Variants in NPY5R observed in about 807,000 individuals in gnomAD.
The protein encoded by NPY5R is neuropeptide Y receptor Y5.
In NPY5R, 21 loss-of-function variants were observed where a neutral mutation model predicts 24.8. That is an observed-to-expected ratio of 0.85 (90% CI 0.60 to 1.22). NPY5R has a LOEUF of 1.22. Among genes scored for constraint, NPY5R ranks in the 50% most tolerant of loss-of-function variants. NPY5R has a pLI of 0.00. For synonymous variants in NPY5R, 175 were observed against 183.0 expected (o/e 0.96, Z 0.35); for missense variants, 481 against 521.3 (o/e 0.92, Z 0.75).
intron 3 of NPY5R, 103 bp from the exon 4 acceptor site, chr4:163,350,162 C>T (rs1363484395): frequency 1.0e-5 from 7 of 688,282 alleles, no homozygotes; most frequent in African/African-American, 1.8e-5. Context: ...AATAAGGTCA[C>T]GGGAGCTGAT....
chr4:163,348,735 G>C (rs1735358838), intron 3 of NPY5R, among the ~76,000 whole-genome samples: 1 of 151,524 alleles, frequency 6.6e-6, no homozygotes, highest in Admixed American at 6.6e-5. Context: ...GTATGTTATA[G>C]GCAATTTAGT....
intron 1 of NPY5R, chr4:163,345,439 C>G (rs761540178): frequency 2.6e-5 from 4 of 152,002 alleles, no homozygotes; most frequent in Non-Finnish European, 5.9e-5. Context: ...TGTGTTTCAG[C>G]CTGGAAATTC....
chr4:163,347,259 G>T (rs1169502552), intron 2 of NPY5R, among the ~76,000 whole-genome samples, 193 bp from the exon 3 acceptor site: 10 of 152,148 alleles, frequency 6.6e-5, no homozygotes, highest in South Asian at 2.1e-4. Context: ...ACATGGAATG[G>T]AGAAAAATCT....
chr4:163,350,059 G>C (rs1188407820), intron 3 of NPY5R, among the ~76,000 whole-genome samples: 1 of 145,964 alleles, frequency 6.9e-6, no homozygotes, highest in African/African-American at 2.5e-5. Context: ...AGCCGAGATG[G>C]CGCCACTGCA....
chr4:163,347,225 C>T (rs375218794), intron 2 of NPY5R, among the ~76,000 whole-genome samples: 3 of 152,096 alleles, frequency 2.0e-5, no homozygotes, highest in South Asian at 2.1e-4. Context: ...TATCTCCATT[C>T]GAATATAATA....
rs199956261 is a variant in NPY5R, at chr4:163,351,437, T to C, written c.1164T>C (p.His388=). 2.0e-5 allele frequency: 32 copies of C among 1,613,714 alleles called. No individual in the cohort carries two copies. Among genetic ancestry groups the C allele is most frequent in the Non-Finnish European group, 2.5e-5 (29 of 1,179,740 alleles). The change falls in exon 4 of 4, where the codon CAT becomes CAC. Residue 388 remains histidine (H), a synonymous_variant. Coordinates refer to ENST00000338566, the MANE Select transcript of NPY5R (RefSeq NM_006174.4). ...AVSWMPLHLF[H]VVTDFNDNLI... ...GTTGGATGCCACTACACCTTTTCCA[T>C]GTGGTAACTGATTTTAATGACAATC...
Position 163,350,373 on chromosome 4 carries a change from A to G in NPY5R, c.100A>G (p.Lys34Glu), listed in dbSNP as rs1202734438. ...TGATTTCCCAGTCTGGGATGACTAT[A>G]AAAGCAGTGTAGATGACTTACAGTA... ...NSDFPVWDDY[K>E]SSVDDLQYFL... Residue 34 changes from lysine (K) to glutamate (E), a missense_variant, in exon 4 of 4, where the codon AAA becomes GAA. Lys to Glu is a moderately conservative substitution (Grantham distance 56, BLOSUM62 1). Transcript: ENST00000338566. The G allele has an allele frequency of 5.6e-6, 9 of 1,613,638 alleles. No homozygotes were observed. Among genetic ancestry groups the G allele is most frequent in the Non-Finnish European group, 7.6e-6 (9 of 1,179,602 alleles).
rs1560870378 is a variant in NPY5R, at chr4:163,350,536, T to G, written c.263T>G (p.Ile88Ser). 1 of 1,614,204 alleles carries G rather than the reference T, an allele frequency of 6.2e-7. No homozygotes were observed. The highest frequency in any genetic ancestry group is 1.6e-4 in the Middle Eastern group (1 of 6,062). Residue 88 changes from isoleucine (I) to serine (S), a missense_variant, in exon 4 of 4, where the codon ATC (isoleucine) becomes AGC (serine). Physicochemically the swap from Ile to Ser is moderately radical, Grantham distance 142. Transcript: ENST00000338566. ...FLIGNLAFSDILVVLFCSPFT... is the reference protein window; with the variant it reads ...FLIGNLAFSDSLVVLFCSPFT... ...ATAGGCAATCTGGCCTTTTCTGATA[T>G]CTTGGTTGTGCTGTTTTGCTCACCT... is the stretch of plus-strand genomic sequence containing the variant.
rs768685790 is a variant in NPY5R, at chr4:163,351,364, G to A, written c.1091G>A (p.Arg364Gln). The change falls in exon 4 of 4, where the codon CGA (arginine) becomes CAA (glutamine). Residue 364 changes from arginine (R) to glutamine (Q), a missense_variant. Physicochemically the swap from Arg to Gln is conservative, Grantham distance 43. Transcript: ENST00000338566. ...GTTACAAGAATAAAAAAGAGATCTC[G>A]AAGTGTTTTCTACAGACTGACCATA... is the stretch of plus-strand genomic sequence containing the variant. ...RSVTRIKKRS[R>Q]SVFYRLTILI... The A allele has an allele frequency of 6.2e-6, 10 of 1,613,612 alleles. No homozygotes were observed. The highest frequency in any genetic ancestry group is 2.2e-5 in the East Asian group (1 of 44,866).
At position 163,351,079 on chromosome 4, in the gene NPY5R, T is replaced by G. The variant is rs1442649327; in HGVS notation, c.806T>G (p.Val269Gly). The G allele has an allele frequency of 1.9e-6, 3 of 1,614,016 alleles. No homozygotes were observed. Among genetic ancestry groups the G allele is most frequent in the African/African-American group, 2.7e-5 (2 of 75,004 alleles). Residue 269 changes from valine to glycine, a missense_variant, in exon 4 of 4, where the codon GTG (valine) becomes GGG (glycine). Coordinates refer to ENST00000338566, the MANE Select transcript of NPY5R (RefSeq NM_006174.4). Reference protein sequence around the residue: ...LHPSKKSGPQVKLSGSHKWSY... With the variant: ...LHPSKKSGPQGKLSGSHKWSY... ...CCATCCAAAAAGAGTGGGCCTCAGG[T>G]GAAACTCTCTGGCAGCCATAAATGG...
At chr4:163,344,761 A>G (rs907762750) in intron 1 of NPY5R, 3 of 152,262 alleles carry the variant, frequency 2.0e-5, no homozygotes, top group Non-Finnish European at 4.4e-5. Context: ...GACCAAAGCC[A>G]AAACGATTTT....
At chr4:163,347,103 G>A (rs201588655) in intron 2 of NPY5R, among the ~76,000 whole-genome samples, 89 of 152,132 alleles carry the variant, frequency 5.9e-4, no homozygotes, top group African/African-American at 2.1e-3. Context: ...TTAAAGCAAG[G>A]GAAATTAAAC....
rs556878872 is a variant in NPY5R, at chr4:163,348,102, T to C, written c.-10+580T>C. ...TGAACGAAGACCTGCAGGTCCCTCATAAATTAAAGATAACAGTGTTTACTA... is the reference window on the plus strand; with the variant it reads ...TGAACGAAGACCTGCAGGTCCCTCACAAATTAAAGATAACAGTGTTTACTA... On this transcript the variant is annotated intron_variant, in intron 3 of 3. Transcript: ENST00000338566. Among the ~76,000 whole-genome samples the C allele has an allele frequency of 4.6e-5, 7 of 152,326 alleles. No individual in the cohort carries two copies. In the East Asian group the frequency reaches 1.3e-3, roughly 29 times the overall value.
chr4:163,351,031 A>C lies in NPY5R; in HGVS notation c.758A>C (p.Glu253Ala). 6.2e-7 allele frequency: 1 copy of C among 1,614,132 alleles called. No homozygotes were observed. Among genetic ancestry groups the C allele is most frequent in the Non-Finnish European group, 8.5e-7 (1 of 1,179,976 alleles). ...SNKENRLEENEMINLTLHPSK... is the reference protein window; with the variant it reads ...SNKENRLEENAMINLTLHPSK... ...AAAGAAAACAGACTTGAAGAAAATG[A>C]GATGATCAACTTAACTCTTCATCCA... The change falls in exon 4 of 4, where the codon GAG becomes GCG. Residue 253 changes from glutamate (E) to alanine (A), a missense_variant. Transcript: ENST00000338566.
At chr4:163,344,277 G>C (rs937032310) in intron 1 of NPY5R, 2 of 152,360 alleles carry the variant, frequency 1.3e-5, no homozygotes, top group South Asian at 2.1e-4. Flanking sequence ...CTTTCGTGCC[G>C]AGCAGGTCCC....
At chr4:163,350,077 C>T (rs1217292980) in intron 3 of NPY5R, 188 bp from the exon 4 acceptor site, 5 of 348,350 alleles carry the variant, frequency 1.4e-5, no homozygotes, top group East Asian at 9.1e-5. Flanking sequence ...GCACTCCAGC[C>T]TGGGCGACAG....
intron 3 of NPY5R, among the ~76,000 whole-genome samples, chr4:163,348,763 C>A (rs933983093): frequency 5.9e-5 from 9 of 151,270 alleles, no homozygotes; most frequent in Admixed American, 4.6e-4. Context: ...CAGGCAGTAG[C>A]ATCAAAAGTC....
intron 1 of NPY5R, chr4:163,345,316 G>A (rs1004891229): frequency 2.0e-5 from 3 of 152,068 alleles, no homozygotes; most frequent in African/African-American, 7.2e-5. Flanking sequence ...AGATATAGAA[G>A]AGTTTATAAG....
intron 3 of NPY5R, among the ~76,000 whole-genome samples, chr4:163,348,316 CTTG>C (rs1735335739): frequency 1.3e-5 from 2 of 151,998 alleles, no homozygotes; most frequent in African/African-American, 4.8e-5. Context: ...GTAGGAAATT[CTTG>C]TTAAAAGAAC....
Sources: gnomAD v4.1 joint callset for allele counts (sites outside exome capture counted in the v4.1 genomes callset) on GRCh38, gnomAD v4.1.1 for gene constraint, MANE v1.5 for transcripts, NCBI Gene and HGNC (gene_info 2026-07-23, HGNC 2026-07-21) for gene names.